TXNDC2: variants seen among roughly 807,000 people sequenced by gnomAD.
TXNDC2 encodes thioredoxin domain containing 2, also known as thioredoxin domain-containing protein 2.
Under a neutral mutation model 0.4 loss-of-function variants are expected in TXNDC2, and 1 was observed. The ratio of observed to expected loss-of-function variants is 2.30; its 90% CI spans 0.82 to 10.89. The LOEUF (loss-of-function observed/expected upper bound fraction) is 10.89. Ranked by LOEUF, TXNDC2 falls within the 30% of genes most tolerant of loss-of-function variation. The pLI is 0.12. For missense variants in TXNDC2, 509 were observed against 579.8 expected (o/e 0.88, Z 1.25); for synonymous variants, 183 against 224.6 (o/e 0.81, Z 1.66).
In TXNDC2 at chr18:9,888,317, G is replaced by A; in HGVS notation, c.*176G>A. 1 of 556,838 alleles carries A rather than the reference G, an allele frequency of 1.8e-6. No individual in the cohort carries two copies. 34.5% of individuals were successfully genotyped at this position (556,838 alleles called of 1,614,324 possible). A position where few individuals can be genotyped will look rare whatever the true frequency, so the allele number is the denominator to read the frequency against. On this transcript the variant is annotated 3_prime_UTR_variant, in exon 2 of 2. Coordinates refer to ENST00000357775, the MANE Select transcript of TXNDC2 (RefSeq NM_032243.6). ...AACAGTCCAAGCATTAAAGTACATT[G>A]CGACTGTGTTTCTGTTAGTGGGAGA...
chr18:9,887,802 A>G lies in TXNDC2; in HGVS notation c.1122A>G (p.Thr374=). 1.2e-6 allele frequency: 2 copies of G among 1,612,194 alleles called. No homozygotes were observed. Among genetic ancestry groups the G allele is most frequent in the Non-Finnish European group, 1.7e-6 (2 of 1,179,060 alleles). ...EGDILKPEEE[T]MEFPEGDKVK... ...ACATCCTAAAGCCTGAAGAAGAAAC[A>G]ATGGAGTTCCCGGAGGGGGACAAGG... is the stretch of plus-strand genomic sequence containing the variant. The change falls in exon 2 of 2, where the codon ACA becomes ACG. Residue 374 remains threonine (T), a synonymous_variant. Transcript: ENST00000357775.
rs2068963525 is a variant in TXNDC2, at chr18:9,887,422, C to A, written c.742C>A (p.Pro248Thr). Reference sequence around the variant, plus strand: ...CATCCAGCCCAAGGAGGGTGACATCCCCAAGTCCCCAGAAGAAGCCATCCA... The same window carrying A: ...CATCCAGCCCAAGGAGGGTGACATCACCAAGTCCCCAGAAGAAGCCATCCA... ...EAIQPKEGDI[P>T]KSPEEAIQPK... Residue 248 changes from proline to threonine, a missense_variant, in exon 2 of 2, where the codon CCC becomes ACC. Physicochemically the swap from Pro to Thr is conservative, Grantham distance 38 (BLOSUM62 -1). Around this residue, in one of 5 missense-constraint regions of TXNDC2, gnomAD observed 65 missense variants for 46.0 expected, o/e 1.41. Coordinates refer to ENST00000357775, the MANE Select transcript of TXNDC2 (RefSeq NM_032243.6). The A allele has an allele frequency of 7.8e-6, 8 of 1,031,466 alleles. No individual in the cohort carries two copies. Among genetic ancestry groups the A allele is most frequent in the African/African-American group, 1.9e-5 (1 of 53,450 alleles). The allele number at this position is 1,031,466 out of a possible 1,614,324, so 63.9% of individuals were successfully genotyped here. A position where few individuals can be genotyped will look rare whatever the true frequency, so the allele number is the denominator to read the frequency against.
Position 9,887,358 on chromosome 18 carries a change from G to T in TXNDC2, c.678G>T (p.Gln226His). The change falls in exon 2 of 2, where the codon CAG becomes CAT. Residue 226 changes from glutamine to histidine, a missense_variant. Around this residue, in one of 5 missense-constraint regions of TXNDC2, gnomAD observed 65 missense variants for 46.0 expected, o/e 1.41. Coordinates refer to ENST00000357775, the MANE Select transcript of TXNDC2 (RefSeq NM_032243.6). ...DISKSPEEAI[Q>H]PKEGDLPKSL... ...CCAAGTCCCCAGAAGAAGCCATCCAGCCCAAGGAGGGTGACCTCCCCAAGT... is the reference window on the plus strand; with the variant it reads ...CCAAGTCCCCAGAAGAAGCCATCCATCCCAAGGAGGGTGACCTCCCCAAGT... 1.3e-6 allele frequency: 2 copies of T among 1,578,942 alleles called. No homozygotes were observed. Among genetic ancestry groups the T allele is most frequent in the Non-Finnish European group, 1.7e-6 (2 of 1,160,234 alleles).
chr18:9,887,973 G>A lies in TXNDC2; in HGVS notation c.1293G>A (p.Glu431=). The A allele has an allele frequency of 1.9e-6, 3 of 1,614,212 alleles. No individual in the cohort carries two copies. Among genetic ancestry groups the A allele is most frequent in the Non-Finnish European group, 2.5e-6 (3 of 1,180,024 alleles). Residue 431 remains glutamate (E), a synonymous_variant, in exon 2 of 2, where the codon GAG becomes GAA. Transcript: ENST00000357775. The part of the protein sequence containing the change: ...PFFHALSVKH[E]DVVFLEVDAD... ...TCCATGCCCTGTCTGTGAAGCATGA[G>A]GATGTGGTGTTCCTGGAGGTGGACG... is the stretch of plus-strand genomic sequence containing the variant.
In TXNDC2 at chr18:9,888,022, A is replaced by T; in HGVS notation, c.1342A>T (p.Arg448Ter). 1.2e-6 allele frequency: 2 copies of T among 1,614,198 alleles called. No homozygotes were observed. Among genetic ancestry groups the T allele is most frequent in the South Asian group, 2.2e-5 (2 of 91,082 alleles). Residue 448 changes from arginine to a stop codon, truncating the protein, a stop_gained, in exon 2 of 2, where the codon AGA (arginine) becomes TGA (stop). Coordinates refer to ENST00000357775, the MANE Select transcript of TXNDC2 (RefSeq NM_032243.6). LOFTEE classifies it low-confidence loss of function (END_TRUNC). ...VDADNCEEVV[R>*]ECAIMCVPTF... is the part of the protein sequence containing the mutation. ...CGCTGACAACTGTGAGGAGGTGGTG[A>T]GAGAGTGCGCCATCATGTGTGTCCC...
In TXNDC2 at chr18:9,886,962, G is replaced by A. The variant is rs1169231951; in HGVS notation, c.282G>A (p.Leu94=). The A allele has an allele frequency of 1.2e-6, 2 of 1,611,548 alleles. No homozygotes were observed. The highest frequency in any genetic ancestry group is 1.7e-5 in the Admixed American group (1 of 59,812). Residue 94 remains leucine, a synonymous_variant, in exon 2 of 2, where the codon CTG becomes CTA. Transcript: ENST00000357775. The part of the protein sequence containing the change: ...KSSAKPIQPK[L]GNIPKASVKP... The stretch of plus-strand genomic sequence containing the variant: ...CAGCAAAACCCATCCAGCCCAAGCT[G>A]GGCAATATTCCCAAGGCCTCAGTGA...
chr18:9,887,132 A>G lies in TXNDC2; in HGVS notation c.452A>G (p.Gln151Arg). 2 of 1,595,762 alleles carry G rather than the reference A, an allele frequency of 1.3e-6. No individual in the cohort carries two copies. The highest frequency in any genetic ancestry group is 2.2e-5 in the South Asian group (2 of 89,724). Reference protein sequence around the residue: ...DIPKSSAKPIQPKLGNIAKTS... With the variant: ...DIPKSSAKPIRPKLGNIAKTS... ...CCCAAGTCCTCAGCAAAACCCATCC[A>G]GCCCAAGCTGGGCAATATTGCCAAG... Residue 151 changes from glutamine to arginine, a missense_variant, in exon 2 of 2, where the codon CAG (glutamine) becomes CGG (arginine). This residue lies in a region of TXNDC2 where 187 missense variants were observed against 218.0 expected (regional missense o/e 0.86). Coordinates refer to ENST00000357775, the MANE Select transcript of TXNDC2 (RefSeq NM_032243.6).
At position 9,888,014 on chromosome 18, in the gene TXNDC2, A is replaced by T; in HGVS notation, c.1334A>T (p.Glu445Val). The T allele has an allele frequency of 6.2e-7, 1 of 1,614,138 alleles. No individual in the cohort carries two copies. The highest frequency in any genetic ancestry group is 8.5e-7 in the Non-Finnish European group (1 of 1,180,030). Reference protein sequence around the residue: ...FLEVDADNCEEVVRECAIMCV... With the variant: ...FLEVDADNCEVVVRECAIMCV... ...GAGGTGGACGCTGACAACTGTGAGG[A>T]GGTGGTGAGAGAGTGCGCCATCATG... is the stretch of plus-strand genomic sequence containing the variant. The change falls in exon 2 of 2, where the codon GAG becomes GTG. Residue 445 changes from glutamate to valine, a missense_variant. Transcript: ENST00000357775.
chr18:9,887,079 A>C lies in TXNDC2; in HGVS notation c.399A>C (p.Glu133Asp). ...KKEDLPKSSEEAIQPKEGDIP... is the reference protein window; with the variant it reads ...KKEDLPKSSEDAIQPKEGDIP... ...AGGACCTCCCCAAGTCCTCAGAAGA[A>C]GCCATCCAGCCCAAAGAGGGTGACA... Residue 133 changes from glutamate to aspartate, a missense_variant, in exon 2 of 2, where the codon GAA becomes GAC. Coordinates refer to ENST00000357775, the MANE Select transcript of TXNDC2 (RefSeq NM_032243.6). The C allele has an allele frequency of 6.2e-7, 1 of 1,610,508 alleles. No individual in the cohort carries two copies. The highest frequency in any genetic ancestry group is 2.2e-5 in the East Asian group (1 of 44,696).
intron 1 of TXNDC2, chr18:9,886,305 G>T (rs2068948695): frequency 2.5e-6 from 4 of 1,605,402 alleles, no homozygotes; most frequent in African/African-American, 2.7e-5. Flanking sequence ...AGGAAAGAGG[G>T]TTGCCTTAAA....
chr18:9,886,834 A>T lies in TXNDC2; in HGVS notation c.154A>T (p.Ile52Phe). 2 of 1,611,314 alleles carry T rather than the reference A, an allele frequency of 1.2e-6. No homozygotes were observed. Among genetic ancestry groups the T allele is most frequent in the Non-Finnish European group, 1.7e-6 (2 of 1,178,666 alleles). ...EETIQPKEGDIPKAPEETIQS... is the reference protein window; with the variant it reads ...EETIQPKEGDFPKAPEETIQS... ...AACCATCCAGCCCAAGGAGGGTGAC[A>T]TCCCCAAGGCCCCAGAAGAAACCAT... Residue 52 changes from isoleucine (I) to phenylalanine (F), a missense_variant, in exon 2 of 2, where the codon ATC (isoleucine) becomes TTC (phenylalanine). Transcript: ENST00000357775.
Position 9,886,650 on chromosome 18 carries a change from A to G in TXNDC2, c.-31A>G. 5.0e-6 allele frequency: 8 copies of G among 1,614,120 alleles called. No individual in the cohort carries two copies. The highest frequency in any genetic ancestry group is 6.8e-6 in the Non-Finnish European group (8 of 1,180,010). On this transcript the variant is annotated 5_prime_UTR_variant, in exon 2 of 2. In the 5' UTR this introduces an upstream ATG that the reference lacks. Coordinates refer to ENST00000357775, the MANE Select transcript of TXNDC2 (RefSeq NM_032243.6). ...TCCTGGCCCTAGAGTTCTTGGAAAT[A>G]GCCCAGGCCAAAGAGAAGGCCTTTC...
At position 9,886,741 on chromosome 18, in the gene TXNDC2, G is replaced by T; in HGVS notation, c.61G>T (p.Asp21Tyr). ...EESDASQEGDDLPKSSANTSH... is the reference protein window; with the variant it reads ...EESDASQEGDYLPKSSANTSH... ...GTCTGATGCCTCACAGGAGGGCGAT[G>T]ACCTACCCAAGTCCTCAGCAAACAC... Residue 21 changes from aspartate to tyrosine, a missense_variant, in exon 2 of 2, where the codon GAC (aspartate) becomes TAC (tyrosine). This residue lies in a region of TXNDC2 where 187 missense variants were observed against 218.0 expected (regional missense o/e 0.86). Coordinates refer to ENST00000357775, the MANE Select transcript of TXNDC2 (RefSeq NM_032243.6). 1 of 1,614,048 alleles carries T rather than the reference G, an allele frequency of 6.2e-7. No individual in the cohort carries two copies. The highest frequency in any genetic ancestry group is 8.5e-7 in the Non-Finnish European group (1 of 1,180,014).
chr18:9,887,769 G>T lies in TXNDC2; in HGVS notation c.1089G>T (p.Lys363Asn), dbSNP rs755242030. 6.2e-7 allele frequency: 1 copy of T among 1,613,814 alleles called. No homozygotes were observed. The highest frequency in any genetic ancestry group is 8.5e-7 in the Non-Finnish European group (1 of 1,179,836). ...CCCTAGAAGAAGCCACCCCATCCAA[G>T]GAGGGTGACATCCTAAAGCCTGAAG... Reference protein sequence around the residue: ...PKSLEEATPSKEGDILKPEEE... With the variant: ...PKSLEEATPSNEGDILKPEEE... Residue 363 changes from lysine to asparagine, a missense_variant, in exon 2 of 2, where the codon AAG becomes AAT. This residue lies in a region of TXNDC2 where 229 missense variants were observed against 243.8 expected (regional missense o/e 0.94). Transcript: ENST00000357775.
intron 1 of TXNDC2, chr18:9,886,341 G>A: frequency 6.7e-7 from 1 of 1,493,690 alleles, no homozygotes; most frequent in East Asian, 2.3e-5. Context: ...GGAGCGGGCA[G>A]GGTGTTGAAC....
chr18:9,888,318 C>T lies in TXNDC2; in HGVS notation c.*177C>T, dbSNP rs888665850. The T allele has an allele frequency of 1.6e-4, 89 of 552,490 alleles. No homozygotes were observed. The highest frequency in any genetic ancestry group is 1.4e-3 in the African/African-American group (75 of 53,578). 34.2% of individuals were successfully genotyped at this position (552,490 alleles called of 1,614,324 possible). On this transcript the variant is annotated 3_prime_UTR_variant, in exon 2 of 2. Transcript: ENST00000357775. The stretch of plus-strand genomic sequence containing the variant: ...ACAGTCCAAGCATTAAAGTACATTG[C>T]GACTGTGTTTCTGTTAGTGGGAGAG...
chr18:9,886,067 C>T lies in TXNDC2; in HGVS notation c.-106C>T, dbSNP rs1054599759. ...TACAGAGAGGGAAAACCAACTGTAA[C>T]GTGCCACCCAAATGTAAGTTTTACT... On this transcript the variant is annotated 5_prime_UTR_variant, in exon 1 of 2. It adds an upstream start codon to the 5' untranslated region. Transcript: ENST00000357775. 1.5e-5 allele frequency: 13 copies of T among 851,104 alleles called. No homozygotes were observed. Among genetic ancestry groups the T allele is most frequent in the African/African-American group, 1.2e-4 (7 of 59,484 alleles). The allele number at this position is 851,104 out of a possible 1,614,324, so 52.7% of individuals were successfully genotyped here.
Position 9,886,623 on chromosome 18 carries a change from T to C in TXNDC2, c.-58T>C, listed in dbSNP as rs544271509. ...TACTAGTCCTGTCCAGCAACGTGCC[T>C]CTCCTGGCCCTAGAGTTCTTGGAAA... On this transcript the variant is annotated 5_prime_UTR_variant, in exon 2 of 2. Transcript: ENST00000357775. 1.2e-6 allele frequency: 2 copies of C among 1,613,640 alleles called. 1 individual carries two copies. Among genetic ancestry groups the C allele is most frequent in the South Asian group, 2.2e-5 (2 of 91,050 alleles).
Position 9,887,991 on chromosome 18 carries a change from G to C in TXNDC2, c.1311G>C (p.Glu437Asp). 1 of 1,614,238 alleles carries C rather than the reference G, an allele frequency of 6.2e-7. No homozygotes were observed. The highest frequency in any genetic ancestry group is 1.1e-5 in the South Asian group (1 of 91,088). The change falls in exon 2 of 2, where the codon GAG (glutamate) becomes GAC (aspartate). Residue 437 changes from glutamate to aspartate, a missense_variant. Around this residue, in one of 5 missense-constraint regions of TXNDC2, gnomAD observed 229 missense variants for 243.8 expected, o/e 0.94. Coordinates refer to ENST00000357775, the MANE Select transcript of TXNDC2 (RefSeq NM_032243.6). ...SVKHEDVVFL[E>D]VDADNCEEVV... Reference sequence around the variant, plus strand: ...AGCATGAGGATGTGGTGTTCCTGGAGGTGGACGCTGACAACTGTGAGGAGG... The same window carrying C: ...AGCATGAGGATGTGGTGTTCCTGGACGTGGACGCTGACAACTGTGAGGAGG...
Sources: allele counts gnomAD v4.1 joint callset, GRCh38; gene constraint gnomAD v4.1.1; regional missense constraint gnomAD v4.1.1; transcripts MANE v1.5; gene names NCBI Gene and HGNC (gene_info 2026-07-23, HGNC 2026-07-21).